The following ZNF383 variants were observed in gnomAD, a reference collection of about 807,000 sequenced individuals.
ZNF383 encodes zinc finger protein 383.
In ZNF383, 32 loss-of-function variants were observed where a neutral mutation model predicts 44.2. That is an observed-to-expected ratio of 0.72 (90% confidence interval 0.55 to 0.97). ZNF383 has a LOEUF of 0.97. Among genes scored for constraint, ZNF383 ranks in the 50% least tolerant of loss-of-function variants. The probability of loss-of-function intolerance (pLI) is 0.00; values close to 1 mark genes in which losing one functional copy is unlikely to be tolerated. For missense variants in ZNF383, 487 were observed against 562.5 expected (o/e 0.87, Z 1.36); for synonymous variants, 155 against 186.2 (o/e 0.83, Z 1.36).
chr19:37,243,032 T>G lies in ZNF383; in HGVS notation c.796T>G (p.Cys266Gly). 1 of 1,612,550 alleles carries G rather than the reference T, an allele frequency of 6.2e-7. No individual in the cohort carries two copies. The highest frequency in any genetic ancestry group is 8.5e-7 in the Non-Finnish European group (1 of 1,179,476). Reference protein sequence around the residue: ...CKECGKAFSYCSNLIDHQRIH... With the variant: ...CKECGKAFSYGSNLIDHQRIH... ...GGAATGTGGGAAGGCCTTTAGTTATTGCTCAAATCTTATTGACCATCAGCG... is the reference window on the plus strand; with the variant it reads ...GGAATGTGGGAAGGCCTTTAGTTATGGCTCAAATCTTATTGACCATCAGCG... Residue 266 changes from cysteine to glycine, a missense_variant, in exon 6 of 6, where the codon TGC becomes GGC. Coordinates refer to ENST00000684119, the MANE Select transcript of ZNF383 (RefSeq NM_001387601.1).
chr19:37,227,553 G>T (rs1194252889), intron 2 of ZNF383: 2 of 152,236 alleles, frequency 1.3e-5, no homozygotes, highest in Non-Finnish European at 2.9e-5. Flanking sequence ...TTTTCTCTTT[G>T]TGTGTGGAGA....
chr19:37,230,265 G>A, intron 2 of ZNF383, 144 bp from the exon 3 acceptor site: 1 of 564,124 alleles, frequency 1.8e-6, no homozygotes, highest in Non-Finnish European at 3.2e-6. Flanking sequence ...TGAGGAAGGA[G>A]TAGGATTTGT....
intron 5 of ZNF383, among the ~76,000 whole-genome samples, chr19:37,241,468 G>C (rs951802206): frequency 1.3e-5 from 2 of 152,148 alleles, no homozygotes; most frequent in African/African-American, 4.8e-5. Flanking sequence ...TGTGGAGTCA[G>C]TTTGTCACTC....
intron 3 of ZNF383, 89 bp from the exon 4 acceptor site, chr19:37,235,460 C>A: frequency 7.4e-7 from 1 of 1,355,974 alleles, no homozygotes; most frequent in Non-Finnish European, 1.0e-6. Flanking sequence ...AATATAATGA[C>A]TCATTTTGTA....
At chr19:37,242,442 A>G (rs764701142) in intron 5 of ZNF383, 27 bp from the exon 6 acceptor site, 1 of 1,446,362 alleles carries the variant, frequency 6.9e-7, no homozygotes. Context: ...AGGAAAAAAG[A>G]ACATTTACCA....
At chr19:37,239,681 T>C (rs1471622516) in intron 5 of ZNF383, among the ~76,000 whole-genome samples, 1 of 152,154 alleles carries the variant, frequency 6.6e-6, no homozygotes, top group Non-Finnish European at 1.5e-5. Context: ...AGTGGAAACC[T>C]AAGCCAAATG....
At chr19:37,233,870 A>G (rs1030126578) in intron 3 of ZNF383, among the ~76,000 whole-genome samples, 2 of 151,036 alleles carry the variant, frequency 1.3e-5, no homozygotes, top group Non-Finnish European at 3.0e-5. Flanking sequence ...AATTTTATTT[A>G]TTTATTTTTT....
rs1379259161 is a variant in ZNF383, at chr19:37,245,466, TTTTG to T, written c.*1814_*1817del. 2 of 150,412 alleles carry T rather than the reference TTTTG, an allele frequency of 1.3e-5. No homozygotes were observed. Among genetic ancestry groups the T allele is most frequent in the African/African-American group, 2.5e-5 (1 of 40,058 alleles). The allele number at this position is 150,412 out of a possible 1,614,324, so 9.3% of individuals were successfully genotyped here. A position where few individuals can be genotyped will look rare whatever the true frequency, so the allele number is the denominator to read the frequency against. On this transcript the variant is annotated 3_prime_UTR_variant, in exon 6 of 6. Transcript: ENST00000684119. ...TTATTTATCAATCCAGATATTAATT[TTTTG>T]TTTGTTTGTTTTTTTTTTTTTTTGA...
At chr19:37,239,080 C>G (rs933359660) in intron 5 of ZNF383, among the ~76,000 whole-genome samples, 5 of 152,096 alleles carry the variant, frequency 3.3e-5, no homozygotes, top group Admixed American at 3.3e-4. Flanking sequence ...CCACTGCGCC[C>G]GGCTCATTTT....
At chr19:37,234,236 A>G (rs1331230427) in intron 3 of ZNF383, among the ~76,000 whole-genome samples, 2 of 152,046 alleles carry the variant, frequency 1.3e-5, no homozygotes, top group Admixed American at 1.3e-4. Flanking sequence ...GAAACATCTA[A>G]ATATCCAAAT....
At chr19:37,223,383 A>G (rs1973014693) in intron 1 of ZNF383, among the ~76,000 whole-genome samples, 1 of 152,202 alleles carries the variant, frequency 6.6e-6, no homozygotes, top group Non-Finnish European at 1.5e-5. Flanking sequence ...TTAAGCTAGA[A>G]GTCAATAACA....
At chr19:37,223,085 A>G (rs1973001164) in intron 1 of ZNF383, among the ~76,000 whole-genome samples, 1 of 152,166 alleles carries the variant, frequency 6.6e-6, no homozygotes, top group Admixed American at 6.5e-5. Flanking sequence ...AACTAAAAGA[A>G]GTAGTAGATA....
Position 37,243,861 on chromosome 19 carries a change from A to G in ZNF383, c.*197A>G, listed in dbSNP as rs915529011. 1.1e-5 allele frequency: 5 copies of G among 450,972 alleles called. No homozygotes were observed. The highest frequency in any genetic ancestry group is 1.2e-3 in the Middle Eastern group (2 of 1,692). The allele number at this position is 450,972 out of a possible 1,614,324, so 27.9% of individuals were successfully genotyped here. ...GTCATATACCGATGCCAGCTGTTCTATAATTCTTTCATTCATTGTTTTGTT... is the reference window on the plus strand; with the variant it reads ...GTCATATACCGATGCCAGCTGTTCTGTAATTCTTTCATTCATTGTTTTGTT... On this transcript the variant is annotated 3_prime_UTR_variant, in exon 6 of 6. Coordinates refer to ENST00000684119, the MANE Select transcript of ZNF383 (RefSeq NM_001387601.1).
chr19:37,242,330 A>C, intron 5 of ZNF383, 139 bp from the exon 6 acceptor site: 1 of 553,106 alleles, frequency 1.8e-6, no homozygotes, highest in Non-Finnish European at 3.1e-6. Flanking sequence ...ATTTTTTCAG[A>C]TAACACAGAT....
chr19:37,240,020 G>A (rs531071300), intron 5 of ZNF383, among the ~76,000 whole-genome samples: 16 of 152,120 alleles, frequency 1.1e-4, no homozygotes, highest in South Asian at 2.1e-4. Flanking sequence ...TTAGCCGGGC[G>A]TGGTGGTGCA....
chr19:37,241,134 C>T, intron 5 of ZNF383, among the ~76,000 whole-genome samples: 1 of 152,096 alleles, frequency 6.6e-6, no homozygotes, highest in Non-Finnish European at 1.5e-5. Flanking sequence ...TCCACTGTAT[C>T]CTTTATTAAA....
At chr19:37,239,172 T>C (rs8112011) in intron 5 of ZNF383, among the ~76,000 whole-genome samples, 28,345 of 152,134 alleles carry the variant, frequency 0.19, 2,811 homozygotes, top group South Asian at 0.31. Context: ...CCTGCCTTGG[T>C]CTCCCAAAGT....
intron 2 of ZNF383, among the ~76,000 whole-genome samples, chr19:37,229,840 T>G (rs1357459542): frequency 6.8e-6 from 1 of 147,792 alleles, no homozygotes; most frequent in African/African-American, 2.5e-5. Flanking sequence ...GCTAGAAGAA[T>G]TAGTGCCTGC....
At position 37,229,698 on chromosome 19, in the gene ZNF383, GTATA is replaced by G. The variant is rs36115378; in HGVS notation, c.-45-703_-45-700del. Among the ~76,000 whole-genome samples, 7 of 137,462 alleles carry G rather than the reference GTATA, an allele frequency of 5.1e-5. No homozygotes were observed. The East Asian group carries it at 6.1e-4, about 12-fold the overall frequency. The allele number at this position is 137,462 out of a possible 152,430, so 90.2% of individuals were successfully genotyped here. ...TATGTATATGTGTGTGTATATATAT[GTATA>G]TATATATGTGTGTGTATATATATGT... On this transcript the variant is annotated intron_variant, in intron 2 of 5. Coordinates refer to ENST00000684119, the MANE Select transcript of ZNF383 (RefSeq NM_001387601.1).
Sources: gnomAD v4.1 joint callset for allele counts (sites outside exome capture counted in the v4.1 genomes callset) on GRCh38, gnomAD v4.1.1 for gene constraint, MANE v1.5 for transcripts, NCBI Gene and HGNC (gene_info 2026-07-23, HGNC 2026-07-21) for gene names.